The following ZNF335 variants were observed in gnomAD, a reference collection of about 807,000 sequenced individuals.
ZNF335 encodes the protein zinc finger protein 335, also known as NRC-interacting factor 1.
In ZNF335, 84 loss-of-function variants were observed where a neutral mutation model predicts 145.6. That is an observed-to-expected ratio of 0.58 (90% confidence interval 0.48 to 0.69). ZNF335 has a LOEUF of 0.69. Among genes scored for constraint, ZNF335 ranks in the 30% least tolerant of loss-of-function variants. The pLI is 0.00. For missense variants in ZNF335, 1,865 were observed against 1,809.7 expected (o/e 1.03, Z -0.55); for synonymous variants, 761 against 717.0 (o/e 1.06, Z -0.98).
intron 10 of ZNF335, 147 bp from the exon 11 acceptor site, chr20:45,961,029 C>A (rs1304013660): frequency 1.9e-6 from 2 of 1,061,584 alleles, no homozygotes; most frequent in Non-Finnish European, 2.7e-6. Context: ...AGCTGGAGTT[C>A]ACTGGGGAAA....
rs947249436 is a variant in ZNF335, at chr20:45,948,906, C to G, written c.*47G>C. 2 of 1,612,966 alleles carry G rather than the reference C, an allele frequency of 1.2e-6. No individual in the cohort carries two copies. Among genetic ancestry groups the G allele is most frequent in the Non-Finnish European group, 1.7e-6 (2 of 1,179,888 alleles). On this transcript the variant is annotated 3_prime_UTR_variant, in exon 28 of 28. Transcript: ENST00000322927. Reference sequence around the variant, plus strand: ...GTGAGTCCTGGTGGCCCCCTACCCCCAGGAGAGCTGGCCGCAAATCCATGA... The same window carrying G: ...GTGAGTCCTGGTGGCCCCCTACCCCGAGGAGAGCTGGCCGCAAATCCATGA...
Position 45,967,899 on chromosome 20 carries a change from C to A in ZNF335, c.649G>T (p.Val217Leu), listed in dbSNP as rs1324067138. 2 of 1,612,510 alleles carry A rather than the reference C, an allele frequency of 1.2e-6. No individual in the cohort carries two copies. The highest frequency in any genetic ancestry group is 1.7e-5 in the Admixed American group (1 of 59,970). ...LEAQGGPSSP[V>L]QLPPASGAEE... ...GCACCGGAGGCTGGGGGCAGCTGCA[C>A]CGGGGAGCTGGGCCCACCCTGTGCC... Residue 217 changes from valine to leucine, a missense_variant, in exon 5 of 28, where the codon GTG (valine) becomes TTG (leucine). Val to Leu is a conservative substitution (Grantham distance 32). Coordinates refer to ENST00000322927, the MANE Select transcript of ZNF335 (RefSeq NM_022095.4).
At chr20:45,965,234 A>G (rs2083929905) in intron 7 of ZNF335, among the ~76,000 whole-genome samples, 1 of 151,992 alleles carries the variant, frequency 6.6e-6, no homozygotes, top group Admixed American at 6.5e-5. Flanking sequence ...GCTGGTGCTC[A>G]CACCACGGCT....
intron 9 of ZNF335, among the ~76,000 whole-genome samples, chr20:45,962,837 G>A (rs2083873579): frequency 8.0e-6 from 1 of 124,992 alleles, no homozygotes; most frequent in Non-Finnish European, 1.6e-5. Context: ...TTTTGAGACA[G>A]AGTTTCGCTC....
rs1179512115 is a variant in ZNF335, at chr20:45,968,429, G to A, written c.443-67C>T. 2.0e-6 allele frequency: 3 copies of A among 1,492,352 alleles called. No homozygotes were observed. The South Asian group carries it at 3.4e-5, about 17-fold the overall frequency. 92.4% of individuals were successfully genotyped at this position (1,492,352 alleles called of 1,614,324 possible). A position where few individuals can be genotyped will look rare whatever the true frequency, so the allele number is the denominator to read the frequency against. ...GTCCCAGCAACAGGCCCACCCCCAT[G>A]GGCCCCACTTTGGCCTGTGAGCAGG... On this transcript the variant is annotated intron_variant, in intron 3 of 27. Transcript: ENST00000322927.
intron 20 of ZNF335, 136 bp from the exon 21 acceptor site, chr20:45,950,731 A>C (rs2083615791): frequency 1.6e-6 from 2 of 1,231,104 alleles, no homozygotes; most frequent in African/African-American, 3.0e-5. Flanking sequence ...CACTAACAAG[A>C]AGCTGGGTAG....
intron 17 of ZNF335, among the ~76,000 whole-genome samples, chr20:45,955,901 G>C (rs1446109822): frequency 1.3e-5 from 2 of 152,044 alleles, no homozygotes; most frequent in Non-Finnish European, 2.9e-5. Flanking sequence ...AAAGAACCCA[G>C]CCAATAAAGG....
Position 45,963,875 on chromosome 20 carries a change from C to T in ZNF335, c.1218G>A (p.Val406=), listed in dbSNP as rs1216382660. 1.2e-6 allele frequency: 2 copies of T among 1,607,216 alleles called. No individual in the cohort carries two copies. Among genetic ancestry groups the T allele is most frequent in the Non-Finnish European group, 1.7e-6 (2 of 1,175,806 alleles). The change falls in exon 8 of 28, where the codon GTG becomes GTA. Residue 406 remains valine (V), a synonymous_variant. Coordinates refer to ENST00000322927, the MANE Select transcript of ZNF335 (RefSeq NM_022095.4). ...GPGHLVAMGK[V]SRTPVEAGVS... ...CACCAGCTTCCACAGGGGTCCTGCTCACCTTGCCCATGGCCACCAGGTGTC... is the reference window on the plus strand; with the variant it reads ...CACCAGCTTCCACAGGGGTCCTGCTTACCTTGCCCATGGCCACCAGGTGTC...
intron 7 of ZNF335, chr20:45,964,191 A>G (rs1568823658): frequency 3.4e-6 from 2 of 593,552 alleles, no homozygotes; most frequent in Non-Finnish European, 5.4e-6. Flanking sequence ...TTCTGTCAGC[A>G]CAGTAGGACC....
At position 45,967,555 on chromosome 20, in the gene ZNF335, C is replaced by G. The variant is rs2083978193; in HGVS notation, c.894G>C (p.Glu298Asp). Residue 298 changes from glutamate to aspartate, a missense_variant, in exon 6 of 28, where the codon GAG becomes GAC. Coordinates refer to ENST00000322927, the MANE Select transcript of ZNF335 (RefSeq NM_022095.4). ...WSTSTKSQEE[E>D]GPEEEDDDDI... ...CATCATCGTCCTCCTCCTCTGGTCCCTCTTCCTCTTGGCTCTTGGTGGAGG... is the reference window on the plus strand; with the variant it reads ...CATCATCGTCCTCCTCCTCTGGTCCGTCTTCCTCTTGGCTCTTGGTGGAGG... The G allele has an allele frequency of 3.1e-6, 5 of 1,614,110 alleles. No individual in the cohort carries two copies. The highest frequency in any genetic ancestry group is 3.4e-6 in the Non-Finnish European group (4 of 1,180,020).
At position 45,967,974 on chromosome 20, in the gene ZNF335, C is replaced by T; in HGVS notation, c.574G>A (p.Ala192Thr). 6.2e-7 allele frequency: 1 copy of T among 1,612,820 alleles called. No homozygotes were observed. Among genetic ancestry groups the T allele is most frequent in the Non-Finnish European group, 8.5e-7 (1 of 1,180,040 alleles). Residue 192 changes from alanine to threonine, a missense_variant, in exon 5 of 28, where the codon GCC becomes ACC. Transcript: ENST00000322927. The stretch of plus-strand genomic sequence containing the variant: ...GGGCCATCTGCCAGGGCCTCAATGG[C>T]TGCTAGGCTGTGGGCCAAGGTGGAA... ...SSSTLAHSLA[A>T]IEALADGPTS...
In ZNF335 at chr20:45,950,016, G is replaced by A; in HGVS notation, c.3541C>T (p.Leu1181=). 1 of 1,614,126 alleles carries A rather than the reference G, an allele frequency of 6.2e-7. No homozygotes were observed. Among genetic ancestry groups the A allele is most frequent in the Non-Finnish European group, 8.5e-7 (1 of 1,180,022 alleles). The part of the protein sequence containing the change: ...VLGPERLQQA[L]SQEHIIVAQE... The stretch of plus-strand genomic sequence containing the variant: ...GCAACGATGATGTGTTCCTGGCTCA[G>A]TGCCTGCTGTAGCCGCTCTGGGCCC... Residue 1181 remains leucine (L), a synonymous_variant, in exon 23 of 28, where the codon CTG becomes TTG. Coordinates refer to ENST00000322927, the MANE Select transcript of ZNF335 (RefSeq NM_022095.4).
In ZNF335 at chr20:45,962,177, G is replaced by A. The variant is rs761188005; in HGVS notation, c.1539C>T (p.His513=). The A allele has an allele frequency of 6.2e-7, 1 of 1,613,912 alleles. No homozygotes were observed. Among genetic ancestry groups the A allele is most frequent in the African/African-American group, 1.3e-5 (1 of 75,052 alleles). Residue 513 remains histidine (H), a synonymous_variant, in exon 10 of 28, where the codon CAC becomes CAT. Coordinates refer to ENST00000322927, the MANE Select transcript of ZNF335 (RefSeq NM_022095.4). ...GCTTGCTGCCCACGTGGTTGAACAT[G>A]TGCTCCTGGGAGACAGACAAAAGGA... ...RSRRWSSLKE[H]MFNHVGSKPY...
At chr20:45,949,438 C>A (rs767957907) in intron 25 of ZNF335, 40 bp from the exon 26 acceptor site, 35 of 1,613,846 alleles carry the variant, frequency 2.2e-5, no homozygotes, top group Non-Finnish European at 2.5e-5. Context: ...AGGGAGAGGT[C>A]ATGCAGCCCT....
intron 15 of ZNF335, among the ~76,000 whole-genome samples, chr20:45,958,624 AG>A (rs2083771003): frequency 6.6e-6 from 1 of 152,234 alleles, no homozygotes; most frequent in South Asian, 2.1e-4. Context: ...GATTTTCACC[AG>A]GGTGGCAATG....
chr20:45,969,864 G>T, intron 2 of ZNF335, 173 bp from the exon 3 acceptor site: 1 of 783,866 alleles, frequency 1.3e-6, no homozygotes, highest in Non-Finnish European at 1.9e-6. Context: ...CAGTCACAGA[G>T]TCCCCCAGGA....
At position 45,948,848 on chromosome 20, in the gene ZNF335, T is replaced by C; in HGVS notation, c.*105A>G. ...CCTGGGAATGAGAGGATGCTGGCTA[T>C]CCAGTATCTGGAGATCCTAAATGAA... On this transcript the variant is annotated 3_prime_UTR_variant, in exon 28 of 28. Transcript: ENST00000322927. The C allele has an allele frequency of 6.5e-7, 1 of 1,550,082 alleles. No individual in the cohort carries two copies. Among genetic ancestry groups the C allele is most frequent in the Non-Finnish European group, 8.8e-7 (1 of 1,135,142 alleles).
chr20:45,953,414 C>T (rs570696381), intron 18 of ZNF335, among the ~76,000 whole-genome samples: 2 of 152,334 alleles, frequency 1.3e-5, no homozygotes, highest in South Asian at 4.1e-4. Flanking sequence ...GGTCACTTAA[C>T]CTCCCTGGCC....
At chr20:45,957,124 G>A (rs3848718) in intron 17 of ZNF335, among the ~76,000 whole-genome samples, 5,374 of 152,254 alleles carry the variant, frequency 0.035, 175 homozygotes, top group African/African-American at 0.081. Flanking sequence ...CTTTGGGGAG[G>A]TGCATGAACC....
Sources: gnomAD v4.1 joint callset for allele counts (sites outside exome capture counted in the v4.1 genomes callset) on GRCh38, gnomAD v4.1.1 for gene constraint, MANE v1.5 for transcripts, NCBI Gene and HGNC (gene_info 2026-07-23, HGNC 2026-07-21) for gene names.